REEP1: variants seen among roughly 807,000 people sequenced by gnomAD.
The protein encoded by REEP1 is receptor expression-enhancing protein 1.
REEP1 carries 22 observed loss-of-function variants against 40.3 expected under a neutral mutation model. The ratio of observed to expected loss-of-function variants is 0.55; its 90% confidence interval spans 0.39 to 0.78. REEP1 has a LOEUF of 0.78. Among genes scored for constraint, REEP1 ranks in the 30% least tolerant of loss-of-function variants. The pLI is 0.00. For synonymous variants in REEP1, 116 were observed against 139.2 expected (o/e 0.83, Z 1.17); for missense variants, 280 against 361.1 (o/e 0.78, Z 1.82).
In REEP1 at chr2:86,250,532, C is replaced by T. The variant is rs558619563; in HGVS notation, c.417+1425G>A. Among the ~76,000 whole-genome samples, 8 of 152,226 alleles carry T rather than the reference C, an allele frequency of 5.3e-5. No homozygotes were observed. In the East Asian group the frequency reaches 1.5e-3, roughly 29 times the overall value. On this transcript the variant is annotated intron_variant, in intron 5 of 8. Transcript: ENST00000538924. Reference sequence around the variant, plus strand: ...ATAAATCCTGATTGATCTTGGGAAACCAAAGCAGAATTTCCCTTCCAAAGA... The same window carrying T: ...ATAAATCCTGATTGATCTTGGGAAATCAAAGCAGAATTTCCCTTCCAAAGA...
chr2:86,237,124 A>G (rs777922191), intron 5 of REEP1, among the ~76,000 whole-genome samples: 13 of 152,344 alleles, frequency 8.5e-5, no homozygotes, highest in Non-Finnish European at 1.6e-4. Context: ...GTCAACGCCT[A>G]CACATAGATA....
chr2:86,295,910 C>T (rs1301897642), intron 1 of REEP1, among the ~76,000 whole-genome samples: 1 of 152,202 alleles, frequency 6.6e-6, no homozygotes, highest in African/African-American at 2.4e-5. Context: ...TCTTTAACAA[C>T]TGTGCCATTT....
At chr2:86,279,033 C>T (rs1343879895) in intron 2 of REEP1, among the ~76,000 whole-genome samples, 1 of 152,142 alleles carries the variant, frequency 6.6e-6, no homozygotes, top group African/African-American at 2.4e-5. Flanking sequence ...AGGAGAGCTC[C>T]CTCTGCTTCC....
intron 5 of REEP1, among the ~76,000 whole-genome samples, chr2:86,244,659 C>T (rs35408390): frequency 0.37 from 55,730 of 151,922 alleles, 12,134 homozygotes; most frequent in East Asian, 0.59. Flanking sequence ...ATACAGAGGC[C>T]CCAAGGAGCT....
At chr2:86,267,689 A>G (rs1677221478) in intron 2 of REEP1, among the ~76,000 whole-genome samples, 1 of 152,186 alleles carries the variant, frequency 6.6e-6, no homozygotes, top group Non-Finnish European at 1.5e-5. Flanking sequence ...CTACCTCAAA[A>G]AGAAGACAAA....
intron 5 of REEP1, among the ~76,000 whole-genome samples, chr2:86,246,271 G>C (rs914029886): frequency 1.3e-5 from 2 of 152,160 alleles, no homozygotes; most frequent in African/African-American, 4.8e-5. Context: ...CAAAGGAAAA[G>C]AAGCCAGAGC....
At chr2:86,223,621 C>A (rs1375697511) in intron 7 of REEP1, 1 of 152,426 alleles carries the variant, frequency 6.6e-6, no homozygotes, top group Admixed American at 6.5e-5. Flanking sequence ...GACACACTCA[C>A]ATACACACAT....
At chr2:86,261,657 T>C (rs1449115969) in intron 3 of REEP1, among the ~76,000 whole-genome samples, 2 of 152,210 alleles carry the variant, frequency 1.3e-5, no homozygotes, top group South Asian at 2.1e-4. Flanking sequence ...CCCCATGTGA[T>C]AGTCTGAAAT....
chr2:86,264,660 G>T (rs1253499844), intron 2 of REEP1, among the ~76,000 whole-genome samples: 1 of 152,108 alleles, frequency 6.6e-6, no homozygotes, highest in Non-Finnish European at 1.5e-5. Flanking sequence ...ATCCCAGCCT[G>T]CAGAATCAAG....
intron 1 of REEP1, among the ~76,000 whole-genome samples, chr2:86,298,959 A>G (rs1426616502): frequency 6.6e-6 from 1 of 152,198 alleles, no homozygotes; most frequent in African/African-American, 2.4e-5. Context: ...GTGTGTTTTC[A>G]TCTTTGTGGC....
intron 5 of REEP1, among the ~76,000 whole-genome samples, chr2:86,243,823 A>G (rs562612314): frequency 1.3e-5 from 2 of 152,330 alleles, no homozygotes; most frequent in African/African-American, 4.8e-5. Flanking sequence ...GTCCTTGGCT[A>G]AAAAATGAAG....
At chr2:86,276,898 T>C (rs1044220557) in intron 2 of REEP1, among the ~76,000 whole-genome samples, 4 of 152,204 alleles carry the variant, frequency 2.6e-5, no homozygotes, top group African/African-American at 9.7e-5. Flanking sequence ...TGTTCATTCA[T>C]ATGCATGTTA....
chr2:86,306,659 A>G (rs914867733), intron 1 of REEP1, among the ~76,000 whole-genome samples: 3 of 152,214 alleles, frequency 2.0e-5, no homozygotes, highest in Admixed American at 2.0e-4. Context: ...GCGTTATCTG[A>G]TCTACAAATT....
chr2:86,323,936 C>A (rs1277748250), intron 1 of REEP1, among the ~76,000 whole-genome samples: 6 of 151,552 alleles, frequency 4.0e-5, no homozygotes, highest in Non-Finnish European at 8.8e-5. Context: ...ATAAATAGAG[C>A]CAGGAAAACT....
intron 1 of REEP1, among the ~76,000 whole-genome samples, chr2:86,286,149 G>C (rs919979465): frequency 1.3e-5 from 2 of 152,112 alleles, no homozygotes; most frequent in African/African-American, 2.4e-5. Context: ...TCCAAGTTAG[G>C]GGTCTTCATT....
intron 6 of REEP1, among the ~76,000 whole-genome samples, chr2:86,232,148 G>A (rs948640915): frequency 3.3e-5 from 5 of 152,202 alleles, no homozygotes; most frequent in Non-Finnish European, 7.3e-5. Flanking sequence ...ATGAGAAGGA[G>A]ACAGCAGAGT....
chr2:86,319,476 C>T (rs1680186156), intron 1 of REEP1, among the ~76,000 whole-genome samples: 2 of 152,160 alleles, frequency 1.3e-5, no homozygotes, highest in Admixed American at 1.3e-4. Flanking sequence ...ACCCCCAGCA[C>T]TTGAGGCCAG....
intron 1 of REEP1, among the ~76,000 whole-genome samples, chr2:86,303,002 A>C (rs1192871504): frequency 6.6e-6 from 1 of 152,070 alleles, no homozygotes; most frequent in Non-Finnish European, 1.5e-5. Context: ...TCACACCCAT[A>C]ATGAATGCTC....
At position 86,254,733 on chromosome 2, in the gene REEP1, G is replaced by A. The variant is rs879254031; in HGVS notation, c.264C>T (p.Tyr88=). ...ATAGCGTGGGATGTACAAACTTCCT[G>A]TACAGGAGGCTGGAGCCTTTTGTGT... ...SPYTKGSSLL[Y]RKFVHPTLSS... Residue 88 remains tyrosine (Y), a synonymous_variant, in exon 4 of 9, where the codon TAC becomes TAT. Coordinates refer to ENST00000538924, the MANE Select transcript of REEP1 (RefSeq NM_001371279.1). 6.2e-7 allele frequency: 1 copy of A among 1,613,878 alleles called. No individual in the cohort carries two copies.
Sources: gnomAD v4.1 joint callset for allele counts (sites outside exome capture counted in the v4.1 genomes callset) on GRCh38, gnomAD v4.1.1 for gene constraint, MANE v1.5 for transcripts, NCBI Gene and HGNC (gene_info 2026-07-23, HGNC 2026-07-21) for gene names.